Variants in LIG1 observed in about 807,000 individuals in gnomAD.
LIG1 encodes the protein ligase I, DNA, ATP-dependent.
In LIG1, 70 loss-of-function variants were observed where a neutral mutation model predicts 115.7. The ratio of observed to expected loss-of-function variants is 0.60; its 90% CI spans 0.50 to 0.74. LIG1 has a LOEUF of 0.74. Among genes scored for constraint, LIG1 ranks in the 30% least tolerant of loss-of-function variants. The pLI is 0.00. For synonymous variants in LIG1, 487 were observed against 495.3 expected, an observed-to-expected ratio of 0.98 and a Z score of 0.22; for missense variants, 1,115 against 1,225.6, an observed-to-expected ratio of 0.91 and a Z score of 1.35.
At chr19:48,162,432 C>CTT in intron 2 of LIG1, 81 bp from the exon 3 acceptor site, 1 of 921,704 alleles carries the variant, frequency 1.1e-6, no homozygotes, top group Non-Finnish European at 1.6e-6. Context: ...CCTATAACTT[C>CTT]CTTTTTTTTT....
At chr19:48,166,041 T>C (rs2036463653) in intron 1 of LIG1, among the ~76,000 whole-genome samples, 1 of 152,192 alleles carries the variant, frequency 6.6e-6, no homozygotes, top group African/African-American at 2.4e-5. Context: ...TTCTAAGGTA[T>C]GCTGTTATTT....
At position 48,119,125 on chromosome 19, in the gene LIG1, G is replaced by A. The variant is rs56271590; in HGVS notation, c.2439+12C>T. 4,273 of 1,570,686 alleles carry A rather than the reference G, an allele frequency of 2.7e-3. 97 individuals carry two copies. The African/African-American group carries it at 0.049, about 18-fold the overall frequency. ...GAGGGGTGGAGGCTGAGGCGCAGCCGCCATGGCTCACCTTGAGGCTCTGGT... is the reference window on the plus strand; with the variant it reads ...GAGGGGTGGAGGCTGAGGCGCAGCCACCATGGCTCACCTTGAGGCTCTGGT... On this transcript the variant is annotated intron_variant, in intron 25 of 27. Coordinates refer to ENST00000263274, the MANE Select transcript of LIG1 (RefSeq NM_000234.3).
intron 22 of LIG1, 49 bp from the exon 23 acceptor site, chr19:48,123,065 C>T (rs745402418): frequency 8.7e-6 from 14 of 1,611,188 alleles, no homozygotes; most frequent in Non-Finnish European, 1.2e-5. Flanking sequence ...GGCTCACAAG[C>T]GCCGGAGCAG....
chr19:48,143,676 C>CA (rs1323239627), intron 10 of LIG1, 77 bp from the exon 11 acceptor site: 1 of 1,331,842 alleles, frequency 7.5e-7, no homozygotes, highest in East Asian at 2.3e-5. Flanking sequence ...CTTGCTTCCT[C>CA]ACGCCTCCTC....
intron 4 of LIG1, 95 bp from the exon 5 acceptor site, chr19:48,157,235 T>C (rs2035909288): frequency 2.9e-6 from 4 of 1,357,604 alleles, no homozygotes; most frequent in Non-Finnish European, 4.0e-6. Context: ...CCTCTCTGTC[T>C]ACCCTCCTTT....
chr19:48,117,245 C>T (rs1023635014), intron 26 of LIG1, among the ~76,000 whole-genome samples: 1 of 148,484 alleles, frequency 6.7e-6, no homozygotes, highest in African/African-American at 2.5e-5. Context: ...CTGCAACCTC[C>T]GCCTCCCAGG....
At chr19:48,168,730 G>A (rs971423893) in intron 1 of LIG1, among the ~76,000 whole-genome samples, 1 of 152,140 alleles carries the variant, frequency 6.6e-6, no homozygotes, top group Non-Finnish European at 1.5e-5. Context: ...ATGGATAAAA[G>A]GTATAGGAGT....
At chr19:48,151,408 G>T in intron 6 of LIG1, 69 bp from the exon 7 acceptor site, 1 of 944,316 alleles carries the variant, frequency 1.1e-6, no homozygotes, top group Non-Finnish European at 1.8e-6. Context: ...TTTGACTCTG[G>T]AGACAGTCTG....
rs1206686620 is a variant in LIG1 at position 48,137,404 on chromosome 19, C to T, written c.1254+118G>A. 2 of 1,306,564 alleles carry T rather than the reference C, an allele frequency of 1.5e-6. No homozygotes were observed. Among genetic ancestry groups the T allele is most frequent in the Non-Finnish European group, 2.1e-6 (2 of 938,752 alleles). The allele number at this position is 1,306,564 out of a possible 1,614,324, so 80.9% of individuals were successfully genotyped here. On this transcript the variant is annotated intron_variant, in intron 13 of 27. Transcript: ENST00000263274. The surrounding 1 kb of genome is among the most constrained non-coding windows in gnomAD (Gnocchi z 4.3). ...GAAGGAGGAGAGGAAGCTGTGCACC[C>T]CATGAGAAGGACTGATGCGACCCAG...
chr19:48,131,934 CTTT>C (rs34833018), intron 18 of LIG1, among the ~76,000 whole-genome samples: 11 of 131,868 alleles, frequency 8.3e-5, no homozygotes, highest in Non-Finnish European at 6.3e-5. Context: ...TGGATCCACC[CTTT>C]TTTTTTTTTT....
At chr19:48,127,443 G>A in intron 20 of LIG1, 95 bp from the exon 21 acceptor site, 9 of 1,110,280 alleles carry the variant, frequency 8.1e-6, no homozygotes, top group South Asian at 1.2e-5. Context: ...TCTCCCTCTC[G>A]CCCCACCTAA....
chr19:48,122,542 C>T lies in LIG1; in HGVS notation c.2232+392G>A, dbSNP rs557244623. ...ACTCTTCCTGATCATCCGGGGCACT[C>T]CCAGCCCCGCCTTGCTGGCCCGGAG... On this transcript the variant is annotated intron_variant, in intron 23 of 27. Coordinates refer to ENST00000263274, the MANE Select transcript of LIG1 (RefSeq NM_000234.3). This position sits in a 1 kb window ranked among gnomAD's most constrained non-coding sequence, Gnocchi z 4.3. Among the ~76,000 whole-genome samples the T allele has an allele frequency of 1.3e-5, 2 of 152,354 alleles. No homozygotes were observed. Among genetic ancestry groups the T allele is most frequent in the African/African-American group, 4.8e-5 (2 of 41,598 alleles).
Position 48,124,797 on chromosome 19 carries a change from C to T in LIG1, c.2005-1479G>A, listed in dbSNP as rs560780270. Reference sequence around the variant, plus strand: ...TGGAAAGCGGAGGTGGGTGGATCACCTGAGGTCAGGAGTTCAACATCAGCC... The same window carrying T: ...TGGAAAGCGGAGGTGGGTGGATCACTTGAGGTCAGGAGTTCAACATCAGCC... On this transcript the variant is annotated intron_variant, in intron 21 of 27. Transcript: ENST00000263274. 7.2e-5 allele frequency among the ~76,000 whole-genome samples: 11 copies of T among 152,246 alleles called. No homozygotes were observed. In the East Asian group the frequency reaches 1.9e-3, roughly 27 times the overall value.
At chr19:48,161,997 T>TGGCCAGC (rs955644246) in intron 3 of LIG1, among the ~76,000 whole-genome samples, 1 of 151,860 alleles carries the variant, frequency 6.6e-6, no homozygotes. Context: ...ACGTGGCCAG[T>TGGCCAGC]GGCCAGCGGC....
chr19:48,153,647 C>CACAT (rs2035617060), intron 6 of LIG1, among the ~76,000 whole-genome samples: 2 of 123,698 alleles, frequency 1.6e-5, no homozygotes, highest in Non-Finnish European at 3.3e-5. Flanking sequence ...AACACACACA[C>CACAT]ACACACACAC....
chr19:48,166,196 A>G (rs1443072049), intron 1 of LIG1, among the ~76,000 whole-genome samples: 1 of 152,194 alleles, frequency 6.6e-6, no homozygotes, highest in East Asian at 1.9e-4. Flanking sequence ...CAGGAGTTCA[A>G]GACCAGCCTG....
chr19:48,133,070 T>C lies in LIG1; in HGVS notation c.1637A>G (p.His546Arg). 1 of 1,614,002 alleles carries C rather than the reference T, an allele frequency of 6.2e-7. No homozygotes were observed. The highest frequency in any genetic ancestry group is 8.5e-7 in the Non-Finnish European group (1 of 1,179,892). ...GACCTCGCTGATGCCCCGGGTGGGA[T>C]GGGCCAACATTGGTTTCAGGGGAAT... is the stretch of plus-strand genomic sequence containing the variant. The part of the protein sequence containing the change: ...PGIPLKPMLA[H>R]PTRGISEVLK... The change falls in exon 18 of 28, where the codon CAT becomes CGT. Residue 546 changes from histidine (H) to arginine (R), a missense_variant. By Grantham distance (29) the His-to-Arg change is conservative. Coordinates refer to ENST00000263274, the MANE Select transcript of LIG1 (RefSeq NM_000234.3).
chr19:48,136,648 A>G (rs1303331331), intron 14 of LIG1, among the ~76,000 whole-genome samples: 1 of 152,218 alleles, frequency 6.6e-6, no homozygotes, highest in Non-Finnish European at 1.5e-5. Context: ...AGGGCTCCCA[A>G]GAAATGCTCC....
rs975611152 is a variant in LIG1, at chr19:48,149,794, C to G, written c.745G>C (p.Gly249Arg). Residue 249 changes from glycine (G) to arginine (R), a missense_variant, in exon 9 of 28, where the codon GGG (glycine) becomes CGG (arginine). Gly to Arg is a moderately radical substitution (Grantham distance 125, BLOSUM62 -2). Coordinates refer to ENST00000263274, the MANE Select transcript of LIG1 (RefSeq NM_000234.3). ...VKKEVKEEEP[G>R]APGKEGAAEG... ...GCAGCTCCCTCCTTTCCTGGAGCCC[C>G]TGGCTCCTCTTCCTTCACTTCTTTT... 3.7e-6 allele frequency: 6 copies of G among 1,614,040 alleles called. No homozygotes were observed. Among genetic ancestry groups the G allele is most frequent in the Non-Finnish European group, 5.1e-6 (6 of 1,179,998 alleles).
Sources: allele counts gnomAD v4.1 joint callset (sites outside exome capture counted in the v4.1 genomes callset), GRCh38; gene constraint gnomAD v4.1.1; non-coding constraint Gnocchi (gnomAD v3.1); transcripts MANE v1.5; gene names NCBI Gene and HGNC (gene_info 2026-07-23, HGNC 2026-07-21).